The following LINGO2 variants were observed in gnomAD, a reference collection of about 807,000 sequenced individuals.
The protein encoded by LINGO2 is leucine rich repeat and Ig domain containing 2.
A neutral mutation model predicts 30.6 loss-of-function variants in LINGO2; 14 were observed. The ratio of observed to expected loss-of-function variants is 0.46; its 90% CI spans 0.30 to 0.72. The LOEUF (loss-of-function observed/expected upper bound fraction) is 0.72. Ranked by LOEUF, LINGO2 falls within the 30% of genes least tolerant of loss-of-function variation. The pLI is 0.07. For synonymous variants in LINGO2, 317 were observed against 288.5 expected, an observed-to-expected ratio of 1.10 and a Z score of -1.00; for missense variants, 729 against 751.7, an observed-to-expected ratio of 0.97 and a Z score of 0.35.
chr9:28,294,031 C>A (rs1340817582), intron 4 of LINGO2, among the ~76,000 whole-genome samples: 1 of 151,982 alleles, frequency 6.6e-6, no homozygotes, highest in Admixed American at 6.6e-5. Context: ...ATAAACATTT[C>A]TGCCATGAGA....
At chr9:28,553,760 T>C (rs1341366645) in intron 1 of LINGO2, among the ~76,000 whole-genome samples, 1 of 151,904 alleles carries the variant, frequency 6.6e-6, no homozygotes. Context: ...AAGGTCGGGT[T>C]ACCCTCAAAG....
chr9:28,559,191 A>G (rs1312116727), intron 1 of LINGO2, among the ~76,000 whole-genome samples: 1 of 152,122 alleles, frequency 6.6e-6, no homozygotes, highest in Admixed American at 6.6e-5. Context: ...TGAGTATTTG[A>G]TCTTGCAGAT....
the LINGO2 span, among the ~76,000 whole-genome samples, chr9:28,848,069 A>ATG: frequency 2.3e-5 from 1 of 43,494 alleles, no homozygotes; most frequent in African/African-American, 1.0e-4. Context: ...ATATGTATAT[A>ATG]ATATATATAT....
intron 3 of LINGO2, among the ~76,000 whole-genome samples, chr9:28,348,238 G>A (rs905985550): frequency 8.6e-5 from 13 of 152,012 alleles, no homozygotes; most frequent in South Asian, 2.1e-4. Context: ...CTGAGGTACC[G>A]GGTTCATCTC....
chr9:28,159,047 A>G (rs1329603297), intron 4 of LINGO2, among the ~76,000 whole-genome samples: 1 of 152,212 alleles, frequency 6.6e-6, no homozygotes, highest in Non-Finnish European at 1.5e-5. Context: ...CTAGATATGA[A>G]TGACTGCTAG....
At chr9:29,127,982 A>G in the LINGO2 span, among the ~76,000 whole-genome samples, 2 of 152,116 alleles carry the variant, frequency 1.3e-5, no homozygotes, top group East Asian at 3.9e-4. Context: ...GCTAAGGACA[A>G]AAGAAACACA....
At chr9:28,743,583 G>A in the LINGO2 span, among the ~76,000 whole-genome samples, 1 of 151,984 alleles carries the variant, frequency 6.6e-6, no homozygotes, top group Non-Finnish European at 1.5e-5. Context: ...ATTCTTGGTT[G>A]ACAGTTTTTT....
At chr9:28,104,273 T>TTTTTTTTTTTTTTTTTTTTC (rs1826512001) in intron 4 of LINGO2, among the ~76,000 whole-genome samples, 1 of 147,106 alleles carries the variant, frequency 6.8e-6, no homozygotes, top group East Asian at 2.0e-4. Flanking sequence ...TTTGTTTTTT[T>TTTTTTTTTTTTTTTTTTTTC]TTTTTTTTTT....
chr9:28,508,505 C>T (rs995969062), intron 1 of LINGO2, among the ~76,000 whole-genome samples: 5 of 151,958 alleles, frequency 3.3e-5, no homozygotes, highest in Non-Finnish European at 5.9e-5. Flanking sequence ...TTTGTACTCT[C>T]ATTTTTGGTT....
intron 2 of LINGO2, among the ~76,000 whole-genome samples, chr9:28,409,085 T>C (rs955293059): frequency 6.6e-6 from 1 of 152,066 alleles, no homozygotes; most frequent in African/African-American, 2.4e-5. Context: ...TGGGCACCTG[T>C]CTAAGGCATC....
chr9:27,954,685 G>A (rs1166694914), intron 5 of LINGO2, among the ~76,000 whole-genome samples: 1 of 152,080 alleles, frequency 6.6e-6, no homozygotes, highest in Non-Finnish European at 1.5e-5. Context: ...GATATACTGT[G>A]TATTACTCCA....
At chr9:29,184,027 T>C in the LINGO2 span, among the ~76,000 whole-genome samples, 3 of 152,222 alleles carry the variant, frequency 2.0e-5, no homozygotes, top group East Asian at 3.9e-4. Context: ...AATAAGAAGA[T>C]TGCAGTGAAG....
chr9:29,103,616 A>C, the LINGO2 span, among the ~76,000 whole-genome samples: 1 of 152,144 alleles, frequency 6.6e-6, no homozygotes, highest in East Asian at 1.9e-4. Flanking sequence ...TATAGAATCA[A>C]TATGTGGAAT....
chr9:28,389,922 A>T (rs1413807042), intron 2 of LINGO2, among the ~76,000 whole-genome samples: 1 of 152,160 alleles, frequency 6.6e-6, no homozygotes, highest in Non-Finnish European at 1.5e-5. Context: ...TAAAGTCTTA[A>T]TCTGGCCCTG....
At chr9:27,991,020 T>C (rs1255005210) in intron 5 of LINGO2, among the ~76,000 whole-genome samples, 4 of 151,858 alleles carry the variant, frequency 2.6e-5, no homozygotes, top group Non-Finnish European at 5.9e-5. Flanking sequence ...CAAATACAGC[T>C]GGGCAGGACA....
At chr9:28,816,882 C>T in the LINGO2 span, among the ~76,000 whole-genome samples, 5 of 152,216 alleles carry the variant, frequency 3.3e-5, no homozygotes, top group East Asian at 3.9e-4. Flanking sequence ...TAGGAACTAA[C>T]GAAGAGTACC....
At chr9:28,583,453 C>T (rs1521741) in intron 1 of LINGO2, among the ~76,000 whole-genome samples, 2 of 151,948 alleles carry the variant, frequency 1.3e-5, no homozygotes, top group Non-Finnish European at 2.9e-5. Context: ...TTCAGAAAAA[C>T]ATTTCCCTTT....
At chr9:28,226,645 A>G (rs1821165838) in intron 4 of LINGO2, among the ~76,000 whole-genome samples, 1 of 42,676 alleles carries the variant, frequency 2.3e-5, no homozygotes, top group African/African-American at 1.0e-4. Context: ...GAAAGAAGGA[A>G]AGAAAGAAAG....
the LINGO2 span, among the ~76,000 whole-genome samples, chr9:28,768,905 T>C: frequency 6.6e-6 from 1 of 152,066 alleles, no homozygotes; most frequent in African/African-American, 2.4e-5. Context: ...ATACACATAA[T>C]GGCAGCAGAA....
Sources: allele counts gnomAD v4.1 joint callset (sites outside exome capture counted in the v4.1 genomes callset), GRCh38; gene constraint gnomAD v4.1.1; transcripts MANE v1.5; gene names NCBI Gene and HGNC (gene_info 2026-07-23, HGNC 2026-07-21).